BICC1: variants seen among roughly 807,000 people sequenced by gnomAD.
BICC1 encodes the protein BicC family RNA binding protein 1.
Under a neutral mutation model 111.0 loss-of-function variants are expected in BICC1, and 43 were observed. The ratio of observed to expected loss-of-function variants is 0.39; its 90% CI spans 0.30 to 0.50. BICC1 has a LOEUF of 0.50. BICC1 is among the 20% of genes least tolerant of loss of function. BICC1 has a pLI of 0.88. For missense variants in BICC1, 1,091 were observed against 1,203.2 expected, an observed-to-expected ratio of 0.91 and a Z score of 1.38; for synonymous variants, 467 against 434.4, an observed-to-expected ratio of 1.07 and a Z score of -0.93.
At chr10:58,753,964 T>C (rs1190894737) in intron 3 of BICC1, among the ~76,000 whole-genome samples, 2 of 152,188 alleles carry the variant, frequency 1.3e-5, no homozygotes, top group Admixed American at 1.3e-4. Flanking sequence ...ACTCACCATA[T>C]GATAGGACTT....
chr10:58,703,460 C>T (rs1840299558), intron 3 of BICC1, among the ~76,000 whole-genome samples: 1 of 152,100 alleles, frequency 6.6e-6, no homozygotes, highest in Admixed American at 6.5e-5. Context: ...CCGCACCCAG[C>T]CTTGTTACCT....
At chr10:58,818,846 G>T (rs555450360) in intron 19 of BICC1, among the ~76,000 whole-genome samples, 1 of 152,188 alleles carries the variant, frequency 6.6e-6, no homozygotes, top group East Asian at 1.9e-4. Context: ...ATTTTAATGT[G>T]TCCAGGCACA....
intron 1 of BICC1, among the ~76,000 whole-genome samples, chr10:58,542,762 A>G (rs1311821572): frequency 6.6e-6 from 1 of 152,168 alleles, no homozygotes; most frequent in Non-Finnish European, 1.5e-5. Flanking sequence ...ATCGGCATGA[A>G]AAGATCAACA....
intron 2 of BICC1, among the ~76,000 whole-genome samples, chr10:58,666,472 T>C (rs2132307669): frequency 1.3e-5 from 2 of 152,344 alleles, no homozygotes; most frequent in South Asian, 4.1e-4. Context: ...ATCCTAATTA[T>C]GTTCTTTTCC....
chr10:58,524,500 T>G (rs995625784), intron 1 of BICC1, among the ~76,000 whole-genome samples: 32 of 152,274 alleles, frequency 2.1e-4, no homozygotes, highest in South Asian at 1.9e-3. Context: ...TAGCCATATG[T>G]AGAAAGCTGA....
intron 2 of BICC1, among the ~76,000 whole-genome samples, chr10:58,630,108 C>G (rs1381598176): frequency 6.6e-6 from 1 of 152,116 alleles, no homozygotes; most frequent in Non-Finnish European, 1.5e-5. Flanking sequence ...GTGTACGTGA[C>G]CTATGTGGCA....
intron 2 of BICC1, among the ~76,000 whole-genome samples, chr10:58,632,854 G>C (rs1428305602): frequency 7.2e-6 from 1 of 139,786 alleles, no homozygotes; most frequent in East Asian, 2.2e-4. Context: ...TAGATAGATA[G>C]ATAGATGGAT....
chr10:58,716,067 G>C lies in BICC1; in HGVS notation c.307+13924G>C, dbSNP rs1840730219. 4 of 1,461,660 alleles carry C rather than the reference G, an allele frequency of 2.7e-6. No homozygotes were observed. In the Admixed American group the frequency reaches 8.0e-5, roughly 29 times the overall value. The allele number at this position is 1,461,660 out of a possible 1,614,324, so 90.5% of individuals were successfully genotyped here. Reference sequence around the variant, plus strand: ...CAAAAGATGGAACTGAGAAAGAAAAGGATATTAAAGGACTCAGCAAAAAGA... The same window carrying C: ...CAAAAGATGGAACTGAGAAAGAAAACGATATTAAAGGACTCAGCAAAAAGA... On this transcript the variant is annotated intron_variant, in intron 3 of 20. Coordinates refer to ENST00000373886, the MANE Select transcript of BICC1 (RefSeq NM_001080512.3).
intron 2 of BICC1, among the ~76,000 whole-genome samples, chr10:58,693,758 T>C (rs948074960): frequency 1.3e-5 from 2 of 152,226 alleles, no homozygotes; most frequent in Non-Finnish European, 2.9e-5. Flanking sequence ...ATTCTAGATA[T>C]CAGCCATTTG....
At chr10:58,743,963 C>T (rs1313420277) in intron 3 of BICC1, among the ~76,000 whole-genome samples, 1 of 151,984 alleles carries the variant, frequency 6.6e-6, no homozygotes, top group Non-Finnish European at 1.5e-5. Context: ...AAGCAGGTAT[C>T]GAGTATCATC....
In BICC1 at chr10:58,646,660, T is replaced by C. The variant is rs182229722; in HGVS notation, c.237+25759T>C. ...TCTGTGCCTCCTGTATAGAACTTCT[T>C]AGGAAACTCATAGCCGAAATGACGG... On this transcript the variant is annotated intron_variant, in intron 2 of 20. Transcript: ENST00000373886. Among the ~76,000 whole-genome samples, 226 of 152,272 alleles carry C rather than the reference T, an allele frequency of 1.5e-3. 1 individual carries two copies. The highest frequency in any genetic ancestry group is 5.2e-3 in the African/African-American group (217 of 41,554).
chr10:58,604,324 C>T (rs1445176323), intron 1 of BICC1, among the ~76,000 whole-genome samples: 2 of 152,040 alleles, frequency 1.3e-5, no homozygotes, highest in Non-Finnish European at 2.9e-5. Flanking sequence ...CAAATTTAAC[C>T]ATAATCTTTA....
Position 58,616,940 on chromosome 10 carries a change from C to T in BICC1, c.191-3915C>T, listed in dbSNP as rs569863557. On this transcript the variant is annotated intron_variant, in intron 1 of 20. Transcript: ENST00000373886. The stretch of plus-strand genomic sequence containing the variant: ...CCCCTTGCCTAGATTTAAGATGGTG[C>T]GGCTGAGACCACCTTCCTGGCAGCC... Among the ~76,000 whole-genome samples the T allele has an allele frequency of 3.3e-4, 51 of 152,288 alleles. 1 individual carries two copies. Among genetic ancestry groups the T allele is most frequent in the Admixed American group, 2.7e-3 (42 of 15,302 alleles).
chr10:58,544,329 A>G (rs1395416545), intron 1 of BICC1, among the ~76,000 whole-genome samples: 1 of 152,222 alleles, frequency 6.6e-6, no homozygotes, highest in Non-Finnish European at 1.5e-5. Flanking sequence ...CTTGCATGCC[A>G]TAGTTAAGAA....
At chr10:58,533,386 C>T (rs570952580) in intron 1 of BICC1, among the ~76,000 whole-genome samples, 4 of 151,950 alleles carry the variant, frequency 2.6e-5, no homozygotes, top group South Asian at 4.2e-4. Flanking sequence ...CTAGGACCCC[C>T]ACTTTTTTAG....
intron 1 of BICC1, among the ~76,000 whole-genome samples, chr10:58,590,048 T>C (rs1020041680): frequency 6.6e-6 from 1 of 152,180 alleles, no homozygotes; most frequent in African/African-American, 2.4e-5. Context: ...TTTATTCATA[T>C]GGGATTAACA....
At chr10:58,743,124 T>A (rs570108620) in intron 3 of BICC1, among the ~76,000 whole-genome samples, 1 of 152,292 alleles carries the variant, frequency 6.6e-6, no homozygotes, top group Admixed American at 6.5e-5. Context: ...GTGGTGGTGG[T>A]TGTTCGGGAA....
At chr10:58,660,354 C>G (rs1451630051) in intron 2 of BICC1, among the ~76,000 whole-genome samples, 1 of 152,102 alleles carries the variant, frequency 6.6e-6, no homozygotes. Flanking sequence ...AATCATTTCT[C>G]CAGCAGCATA....
rs142933859 is a variant in BICC1, at chr10:58,687,073, T to C, written c.238-15001T>C. 2.8e-3 allele frequency among the ~76,000 whole-genome samples: 425 copies of C among 151,412 alleles called. 3 individuals are homozygous for C. Among genetic ancestry groups the C allele is most frequent in the African/African-American group, 9.8e-3 (405 of 41,474 alleles). ...TTTTGGTATGGATGTCCTTTCTGTT[T>C]GTTAGTTTTCTTTCTTACAGTCAGG... On this transcript the variant is annotated intron_variant, in intron 2 of 20. Transcript: ENST00000373886.
Sources: gnomAD v4.1 joint callset for allele counts (sites outside exome capture counted in the v4.1 genomes callset) on GRCh38, gnomAD v4.1.1 for gene constraint, MANE v1.5 for transcripts, NCBI Gene and HGNC (gene_info 2026-07-23, HGNC 2026-07-21) for gene names.